The following CTNNA3 variants were observed in gnomAD, a reference collection of about 807,000 sequenced individuals.
The protein encoded by CTNNA3 is catenin alpha-3.
Under a neutral mutation model 95.7 loss-of-function variants are expected in CTNNA3, and 76 were observed. That is an observed-to-expected ratio of 0.79 (90% CI 0.66 to 0.96). The LOEUF (loss-of-function observed/expected upper bound fraction) is 0.96, where lower values mean the gene tolerates loss of function less well. Among genes scored for constraint, CTNNA3 ranks in the 40% least tolerant of loss-of-function variants. The pLI is 0.00. For synonymous variants in CTNNA3, 431 were observed against 374.4 expected (o/e 1.15, Z -1.74); for missense variants, 1,191 against 1,089.8 (o/e 1.09, Z -1.31).
At chr10:65,977,299 T>G (rs1036180514) in intron 16 of CTNNA3, among the ~76,000 whole-genome samples, 1 of 152,274 alleles carries the variant, frequency 6.6e-6, no homozygotes, top group South Asian at 2.1e-4. Context: ...TTTTCACGTT[T>G]CTACCAAGAC....
intron 12 of CTNNA3, among the ~76,000 whole-genome samples, chr10:66,333,930 A>G (rs2092363303): frequency 6.6e-6 from 1 of 152,054 alleles, no homozygotes; most frequent in African/African-American, 2.4e-5. Context: ...TGGTGTATAT[A>G]TATTTAGGAT....
chr10:66,677,636 G>C (rs1324332032), intron 9 of CTNNA3, among the ~76,000 whole-genome samples: 2 of 151,954 alleles, frequency 1.3e-5, no homozygotes, highest in Non-Finnish European at 2.9e-5. Context: ...TTTATAAAGG[G>C]GAGTTCCCCT....
At chr10:67,762,043 C>T (rs16924791) in intron 1 of CTNNA3, among the ~76,000 whole-genome samples, 4,724 of 151,864 alleles carry the variant, frequency 0.031, 242 homozygotes, top group African/African-American at 0.11. Context: ...CCTAACTTGC[C>T]GCTCACTGCA....
chr10:66,316,672 C>T (rs1034354043), intron 12 of CTNNA3, among the ~76,000 whole-genome samples: 7 of 152,018 alleles, frequency 4.6e-5, no homozygotes, highest in Admixed American at 2.6e-4. Flanking sequence ...AGAGAATGTG[C>T]GAATTCCACA....
rs1017501088 is a variant in CTNNA3 at position 66,929,816 on chromosome 10, C to G, written c.1048-154292G>C. Among the ~76,000 whole-genome samples the G allele has an allele frequency of 1.3e-3, 193 of 152,266 alleles. 2 individuals are homozygous for G. Among genetic ancestry groups the G allele is most frequent in the Non-Finnish European group, 1.8e-3 (124 of 68,024 alleles). The stretch of plus-strand genomic sequence containing the variant: ...ACTGCAGCACGAATATCATAGCTTC[C>G]ATATTTGAGTAACTTGAACCACAGT... On this transcript the variant is annotated intron_variant, in intron 7 of 17. Transcript: ENST00000433211.
intron 6 of CTNNA3, among the ~76,000 whole-genome samples, chr10:67,200,764 C>T (rs933147875): frequency 1.3e-5 from 2 of 152,110 alleles, no homozygotes; most frequent in Non-Finnish European, 2.9e-5. Flanking sequence ...CTTTTCTTTC[C>T]GTTTCACAAA....
chr10:66,693,636 A>AC (rs1847645695), intron 9 of CTNNA3, among the ~76,000 whole-genome samples: 1 of 152,028 alleles, frequency 6.6e-6, no homozygotes, highest in Admixed American at 6.6e-5. Context: ...AGAACTCTTC[A>AC]CCCCAAATCA....
At chr10:66,320,001 T>A (rs76484386) in intron 12 of CTNNA3, among the ~76,000 whole-genome samples, 3,578 of 152,230 alleles carry the variant, frequency 0.024, 140 homozygotes, top group African/African-American at 0.079. Context: ...CACTCTCCAA[T>A]GCAGCTCCAG....
At chr10:66,634,134 T>C (rs1845253811) in intron 9 of CTNNA3, among the ~76,000 whole-genome samples, 1 of 152,136 alleles carries the variant, frequency 6.6e-6, no homozygotes, top group South Asian at 2.1e-4. Context: ...TAATAATTTA[T>C]AATTTGGCTT....
chr10:66,767,452 C>A (rs1329117192), intron 8 of CTNNA3, among the ~76,000 whole-genome samples: 2 of 46,508 alleles, frequency 4.3e-5, no homozygotes, highest in East Asian at 1.8e-3. Context: ...TCCACTCCCC[C>A]CGACAAAAAA....
At chr10:66,296,531 ACT>A (rs2091779327) in intron 12 of CTNNA3, among the ~76,000 whole-genome samples, 2 of 151,924 alleles carry the variant, frequency 1.3e-5, no homozygotes, top group South Asian at 2.1e-4. Context: ...AACAAAATAA[ACT>A]CACACACACA....
intron 11 of CTNNA3, among the ~76,000 whole-genome samples, chr10:66,473,248 C>T (rs996643446): frequency 2.6e-4 from 39 of 151,982 alleles, no homozygotes; most frequent in African/African-American, 9.2e-4. Flanking sequence ...TAGGGAGAGA[C>T]CTGATGGGAG....
At chr10:66,961,147 A>G (rs1018548647) in intron 7 of CTNNA3, among the ~76,000 whole-genome samples, 9 of 152,350 alleles carry the variant, frequency 5.9e-5, no homozygotes, top group African/African-American at 2.2e-4. Flanking sequence ...TTTCAAAAAA[A>G]GTTACGAACA....
intron 1 of CTNNA3, among the ~76,000 whole-genome samples, chr10:67,695,316 ATTTC>A (rs1840942598): frequency 6.6e-6 from 1 of 152,082 alleles, no homozygotes; most frequent in Non-Finnish European, 1.5e-5. Flanking sequence ...ATTTGAACTC[ATTTC>A]TTTTATTTGT....
intron 11 of CTNNA3, among the ~76,000 whole-genome samples, chr10:66,519,856 C>T (rs1024078965): frequency 5.3e-5 from 8 of 152,102 alleles, no homozygotes; most frequent in Non-Finnish European, 7.4e-5. Flanking sequence ...AAATAAACTT[C>T]CCAAATTGAC....
chr10:67,655,968 G>C (rs12412064), intron 1 of CTNNA3, among the ~76,000 whole-genome samples: 9,467 of 152,036 alleles, frequency 0.062, 314 homozygotes, highest in South Asian at 0.1. Context: ...TAAAGGAAAA[G>C]GAGGCAAGGG....
chr10:67,559,579 G>C (rs2133253077), intron 3 of CTNNA3, among the ~76,000 whole-genome samples: 1 of 152,300 alleles, frequency 6.6e-6, no homozygotes, highest in Admixed American at 6.5e-5. Flanking sequence ...AAAAAGCACA[G>C]TGCCTCTCCT....
At chr10:66,389,724 GGAGAGA>G (rs3980751) in intron 11 of CTNNA3, among the ~76,000 whole-genome samples, 2,046 of 145,474 alleles carry the variant, frequency 0.014, 22 homozygotes, top group African/African-American at 0.031. Flanking sequence ...ATATATATAT[GGAGAGA>G]GAGAGAGAGA....
In CTNNA3 at chr10:66,718,862, CAATT is replaced by C. The variant is rs1848538130; in HGVS notation, c.1281+47398_1281+47401del. 3.9e-5 allele frequency among the ~76,000 whole-genome samples: 6 copies of C among 152,172 alleles called. No individual in the cohort carries two copies. The South Asian group carries it at 1.2e-3, about 32-fold the overall frequency. On this transcript the variant is annotated intron_variant, in intron 9 of 17. Coordinates refer to ENST00000433211, the MANE Select transcript of CTNNA3 (RefSeq NM_013266.4). The stretch of plus-strand genomic sequence containing the variant: ...GATTTGACAATTGTTATGTCACTGA[CAATT>C]GTTTGTTAAAATCATTTCAAATAAC...
Sources: allele counts gnomAD v4.1 joint callset (sites outside exome capture counted in the v4.1 genomes callset), GRCh38; gene constraint gnomAD v4.1.1; transcripts MANE v1.5; gene names NCBI Gene and HGNC (gene_info 2026-07-23, HGNC 2026-07-21).